Variants in CTIF observed in about 807,000 individuals in gnomAD.
The protein encoded by CTIF is CBP80/20-dependent translation initiation factor.
In CTIF, 21 loss-of-function variants were observed where a neutral mutation model predicts 66.0. That is an observed-to-expected ratio of 0.32 (90% CI 0.23 to 0.46). The LOEUF (loss-of-function observed/expected upper bound fraction) is 0.46, where lower values mean the gene tolerates loss of function less well. Ranked by LOEUF, CTIF falls within the 20% of genes least tolerant of loss-of-function variation. The pLI is 1.00. For synonymous variants in CTIF, 345 were observed against 326.4 expected (o/e 1.06, Z -0.62); for missense variants, 739 against 812.7 (o/e 0.91, Z 1.10).
intron 3 of CTIF, among the ~76,000 whole-genome samples, chr18:48,648,969 A>C (rs972975505): frequency 6.6e-6 from 1 of 152,054 alleles, no homozygotes; most frequent in Non-Finnish European, 1.5e-5. Flanking sequence ...AAAATACAAA[A>C]ATTGCTCATG....
At chr18:48,786,728 T>C (rs977405219) in intron 9 of CTIF, among the ~76,000 whole-genome samples, 1 of 152,168 alleles carries the variant, frequency 6.6e-6, no homozygotes, top group African/African-American at 2.4e-5. Flanking sequence ...TCAGAACCCC[T>C]GGGGTATGGA....
chr18:48,664,040 G>T (rs1364505128), intron 4 of CTIF, among the ~76,000 whole-genome samples: 1 of 152,172 alleles, frequency 6.6e-6, no homozygotes, highest in Non-Finnish European at 1.5e-5. Flanking sequence ...CCCGGGATGG[G>T]GCTGCAGAGG....
chr18:48,782,922 C>T (rs993583224), intron 9 of CTIF, among the ~76,000 whole-genome samples: 1 of 152,214 alleles, frequency 6.6e-6, no homozygotes, highest in Non-Finnish European at 1.5e-5. Context: ...ACTCAGAGAG[C>T]CCATGGGGCA....
At chr18:48,570,277 T>C (rs1420330307) in intron 1 of CTIF, among the ~76,000 whole-genome samples, 1 of 152,152 alleles carries the variant, frequency 6.6e-6, no homozygotes, top group Non-Finnish European at 1.5e-5. Context: ...CAACAGTGAT[T>C]AGGAGGAAGA....
At chr18:48,718,632 TGGATGGTGCCCATCCACACTG>T (rs1254563982) in intron 7 of CTIF, among the ~76,000 whole-genome samples, 1 of 152,160 alleles carries the variant, frequency 6.6e-6, no homozygotes, top group Non-Finnish European at 1.5e-5. Context: ...CTTGGCGGAT[TGGATGGTGCCCATCCACACTG>T]GGAGAGAGAT....
At chr18:48,642,265 A>G (rs1277030525) in intron 3 of CTIF, among the ~76,000 whole-genome samples, 1 of 152,182 alleles carries the variant, frequency 6.6e-6, no homozygotes, top group African/African-American at 2.4e-5. Context: ...AGATCCCCAA[A>G]GAGATGTCAT....
At chr18:48,685,309 G>A (rs2091821530) in intron 6 of CTIF, among the ~76,000 whole-genome samples, 1 of 151,868 alleles carries the variant, frequency 6.6e-6, no homozygotes, top group Admixed American at 6.6e-5. Flanking sequence ...TGCAACCTCC[G>A]CCTCCCGGGT....
At chr18:48,640,017 G>T (rs1482285908) in intron 3 of CTIF, among the ~76,000 whole-genome samples, 2 of 152,196 alleles carry the variant, frequency 1.3e-5, no homozygotes, top group Non-Finnish European at 2.9e-5. Context: ...CAGTGTCCTT[G>T]TCACCCCTGT....
At chr18:48,558,438 G>A (rs2089072742) in intron 1 of CTIF, among the ~76,000 whole-genome samples, 1 of 152,196 alleles carries the variant, frequency 6.6e-6, no homozygotes, top group Non-Finnish European at 1.5e-5. Context: ...TTTGGGTTGG[G>A]TTTGTGTCAC....
chr18:48,739,843 C>T (rs1194478765), intron 7 of CTIF, among the ~76,000 whole-genome samples: 1 of 152,176 alleles, frequency 6.6e-6, no homozygotes, highest in Non-Finnish European at 1.5e-5. Flanking sequence ...ATTTACCCGT[C>T]GGCTCCTCTC....
chr18:48,547,179 C>A (rs947671647), intron 1 of CTIF, among the ~76,000 whole-genome samples: 6 of 152,148 alleles, frequency 3.9e-5, no homozygotes, highest in African/African-American at 1.4e-4. Flanking sequence ...CTGCACAACT[C>A]GGGGAGGCAT....
At chr18:48,772,739 T>C (rs1285151495) in intron 9 of CTIF, among the ~76,000 whole-genome samples, 1 of 152,242 alleles carries the variant, frequency 6.6e-6, no homozygotes, top group African/African-American at 2.4e-5. Flanking sequence ...TATCTGTCAA[T>C]GGGCACTTGA....
intron 1 of CTIF, among the ~76,000 whole-genome samples, chr18:48,541,892 G>A (rs2088629607): frequency 6.6e-6 from 1 of 151,880 alleles, no homozygotes; most frequent in Admixed American, 6.6e-5. Context: ...TGTGAGGTAG[G>A]AGAGTATTAG....
chr18:48,552,439 A>T (rs2088906906), intron 1 of CTIF, among the ~76,000 whole-genome samples: 1 of 152,224 alleles, frequency 6.6e-6, no homozygotes, highest in African/African-American at 2.4e-5. Flanking sequence ...TATGAACAGG[A>T]GAAACTTATT....
intron 7 of CTIF, among the ~76,000 whole-genome samples, chr18:48,744,788 A>G (rs543573674): frequency 3.0e-4 from 46 of 151,492 alleles, no homozygotes; most frequent in Admixed American, 5.3e-4. Flanking sequence ...ATGACTTGTT[A>G]GTATCTTTTA....
chr18:48,805,409 G>GT (rs1568233744), intron 9 of CTIF, among the ~76,000 whole-genome samples: 2 of 141,278 alleles, frequency 1.4e-5, no homozygotes, highest in Admixed American at 7.0e-5. Flanking sequence ...TGGTGGGGGG[G>GT]ACCAAGGAGG....
intron 2 of CTIF, among the ~76,000 whole-genome samples, chr18:48,624,130 C>T (rs1435115632): frequency 5.5e-5 from 8 of 146,092 alleles, no homozygotes; most frequent in Non-Finnish European, 1.1e-4. Flanking sequence ...CCATGCTTGA[C>T]ACCACGCCCC....
At chr18:48,590,928 G>A (rs1168976638) in intron 1 of CTIF, among the ~76,000 whole-genome samples, 3 of 151,672 alleles carry the variant, frequency 2.0e-5, no homozygotes, top group Non-Finnish European at 4.4e-5. Context: ...GAGAGTTGGA[G>A]TCAGCCAGAC....
At position 48,577,576 on chromosome 18, in the gene CTIF, CTTTTG is replaced by C. The variant is rs757743236; in HGVS notation, c.-29+38268_-29+38272del. Among the ~76,000 whole-genome samples, 30 of 139,738 alleles carry C rather than the reference CTTTTG, an allele frequency of 2.1e-4. 1 individual carries two copies. The highest frequency in any genetic ancestry group is 3.5e-4 in the Non-Finnish European group (23 of 65,960). The allele number at this position is 139,738 out of a possible 152,430, so 91.7% of individuals were successfully genotyped here. A position where few individuals can be genotyped will look rare whatever the true frequency, so the allele number is the denominator to read the frequency against. On this transcript the variant is annotated intron_variant, in intron 1 of 11. Coordinates refer to ENST00000256413, the MANE Select transcript of CTIF (RefSeq NM_014772.3). Reference sequence around the variant, plus strand: ...GTGGATTTTTTTTGTCTTCTTGTTTCTTTTGTTTGTTTGTTTGAGATAGTCTCGCT... The same window carrying C: ...GTGGATTTTTTTTGTCTTCTTGTTTCTTTGTTTGTTTGAGATAGTCTCGCT...
Sources: gnomAD v4.1 joint callset for allele counts (sites outside exome capture counted in the v4.1 genomes callset) on GRCh38, gnomAD v4.1.1 for gene constraint, MANE v1.5 for transcripts, NCBI Gene and HGNC (gene_info 2026-07-23, HGNC 2026-07-21) for gene names.